THSD4: variants seen among roughly 807,000 people sequenced by gnomAD.
The protein encoded by THSD4 is thrombospondin type-1 domain-containing protein 4.
A neutral mutation model predicts 119.0 loss-of-function variants in THSD4; 69 were observed. That is an observed-to-expected ratio of 0.58 (90% confidence interval 0.48 to 0.71). THSD4 has a LOEUF of 0.71. Ranked by LOEUF, THSD4 falls within the 30% of genes least tolerant of loss-of-function variation. The pLI is 0.00. For synonymous variants in THSD4, 524 were observed against 540.4 expected (o/e 0.97, Z 0.42); for missense variants, 1,393 against 1,391.1 (o/e 1.00, Z -0.02).
At chr15:71,296,659 C>T (rs12324218) in intron 6 of THSD4, among the ~76,000 whole-genome samples, 3,132 of 152,268 alleles carry the variant, frequency 0.021, 113 homozygotes, top group African/African-American at 0.072. Flanking sequence ...TCCCTGGCTT[C>T]ATGGACATAA....
chr15:71,567,601 C>CA lies in THSD4; in HGVS notation c.1153-92929_1153-92928insA, dbSNP rs1555427638. ...TCCTGGACAAGAACAAAGACACCCC[C>CA]CCACACACACACACACACACATGAA... is the stretch of plus-strand genomic sequence containing the variant. On this transcript the variant is annotated intron_variant, in intron 7 of 17. Transcript: ENST00000261862. 2.1e-4 allele frequency among the ~76,000 whole-genome samples: 29 copies of CA among 136,684 alleles called. 1 individual carries two copies. Among genetic ancestry groups the CA allele is most frequent in the Admixed American group, 4.6e-4 (6 of 12,904 alleles). 89.7% of individuals were successfully genotyped at this position (136,684 alleles called of 152,430 possible). A position where few individuals can be genotyped will look rare whatever the true frequency, so the allele number is the denominator to read the frequency against.
At chr15:71,248,696 C>G (rs1409359838) in intron 5 of THSD4, among the ~76,000 whole-genome samples, 1 of 152,038 alleles carries the variant, frequency 6.6e-6, no homozygotes, top group African/African-American at 2.4e-5. Context: ...GGAGTTGTTT[C>G]TGCCCCAGAG....
Position 71,385,040 on chromosome 15 carries a change from A to C in THSD4, c.1016-26647A>C, listed in dbSNP as rs143648128. ...GTTTGCACCCCCTTCAGTAATTGCCATTTACTGCCAGTTTCCCTTTGATTC... is the reference window on the plus strand; with the variant it reads ...GTTTGCACCCCCTTCAGTAATTGCCCTTTACTGCCAGTTTCCCTTTGATTC... On this transcript the variant is annotated intron_variant, in intron 6 of 17. Coordinates refer to ENST00000261862, the MANE Select transcript of THSD4 (RefSeq NM_024817.3). Among the ~76,000 whole-genome samples, 216 of 152,300 alleles carry C rather than the reference A, an allele frequency of 1.4e-3. 2 individuals are homozygous for C. The highest frequency in any genetic ancestry group is 5.0e-3 in the African/African-American group (207 of 41,566).
chr15:71,261,311 A>G (rs2044396663), intron 6 of THSD4, among the ~76,000 whole-genome samples: 1 of 152,112 alleles, frequency 6.6e-6, no homozygotes, highest in African/African-American at 2.4e-5. Flanking sequence ...AAGGATTGCC[A>G]GCAACTTCCA....
intron 7 of THSD4, among the ~76,000 whole-genome samples, chr15:71,524,820 GC>G (rs1567020914): frequency 7.0e-6 from 1 of 142,552 alleles, no homozygotes; most frequent in African/African-American, 2.7e-5. Context: ...CACCGTATTA[GC>G]CAGGATGATC....
At chr15:71,614,265 ATT>A (rs2050284104) in intron 7 of THSD4, among the ~76,000 whole-genome samples, 1 of 152,190 alleles carries the variant, frequency 6.6e-6, no homozygotes, top group Non-Finnish European at 1.5e-5. Flanking sequence ...TTCTGTATCC[ATT>A]CCAGCCTGGA....
At chr15:71,172,486 T>A (rs1303178845) in intron 3 of THSD4, among the ~76,000 whole-genome samples, 1 of 150,842 alleles carries the variant, frequency 6.6e-6, no homozygotes, top group African/African-American at 2.4e-5. Flanking sequence ...ATTGACAAAC[T>A]GATGATTAAA....
At chr15:71,485,742 A>G (rs1041724086) in intron 7 of THSD4, among the ~76,000 whole-genome samples, 1 of 152,138 alleles carries the variant, frequency 6.6e-6, no homozygotes, top group African/African-American at 2.4e-5. Context: ...AGTACCTCTC[A>G]TTGAATGACA....
intron 7 of THSD4, among the ~76,000 whole-genome samples, chr15:71,531,301 C>T (rs568124063): frequency 3.3e-5 from 5 of 152,244 alleles, no homozygotes; most frequent in South Asian, 2.1e-4. Flanking sequence ...GACCTGTTTC[C>T]GCTCTTGTTT....
At chr15:71,217,018 A>T (rs1294170773) in intron 4 of THSD4, among the ~76,000 whole-genome samples, 6 of 152,036 alleles carry the variant, frequency 3.9e-5, no homozygotes, top group Non-Finnish European at 8.8e-5. Flanking sequence ...GCTGGTCTTG[A>T]ACTCCTGACC....
intron 3 of THSD4, among the ~76,000 whole-genome samples, chr15:71,209,003 A>G (rs892491266): frequency 1.1e-4 from 17 of 152,142 alleles, no homozygotes; most frequent in African/African-American, 4.1e-4. Context: ...TCTTGGGGGA[A>G]GGGTCACGGC....
chr15:71,377,934 C>T lies in THSD4; in HGVS notation c.1016-33753C>T, dbSNP rs61384108. Among the ~76,000 whole-genome samples, 4 of 114,770 alleles carry T rather than the reference C, an allele frequency of 3.5e-5. No homozygotes were observed. The South Asian group carries it at 1.2e-3, about 35-fold the overall frequency. 75.3% of individuals were successfully genotyped at this position (114,770 alleles called of 152,430 possible). A position where few individuals can be genotyped will look rare whatever the true frequency, so the allele number is the denominator to read the frequency against. ...CACACAATTTCCTTCAGTGACTCTT[C>T]TGAAAGCCAACCTGAAAATAGCAGA... On this transcript the variant is annotated intron_variant, in intron 6 of 17. Coordinates refer to ENST00000261862, the MANE Select transcript of THSD4 (RefSeq NM_024817.3).
intron 7 of THSD4, among the ~76,000 whole-genome samples, chr15:71,479,505 A>G (rs1359887727): frequency 6.6e-6 from 1 of 152,174 alleles, no homozygotes; most frequent in East Asian, 1.9e-4. Flanking sequence ...AAGAAGGTTA[A>G]CTTTAGTTTT....
At chr15:71,664,172 T>A (rs1208390710) in intron 8 of THSD4, among the ~76,000 whole-genome samples, 1 of 151,914 alleles carries the variant, frequency 6.6e-6, no homozygotes, top group South Asian at 2.1e-4. Flanking sequence ...TTAGTAGAGA[T>A]GGGGTTTCAC....
intron 2 of THSD4, among the ~76,000 whole-genome samples, chr15:71,150,249 A>T (rs2040707686): frequency 6.6e-6 from 1 of 152,204 alleles, no homozygotes; most frequent in African/African-American, 2.4e-5. Flanking sequence ...CCAAACATTA[A>T]TTTTGAATTG....
chr15:71,453,316 A>C (rs931562724), intron 7 of THSD4, among the ~76,000 whole-genome samples: 1 of 152,164 alleles, frequency 6.6e-6, no homozygotes, highest in African/African-American at 2.4e-5. Flanking sequence ...TTCAAAACTT[A>C]AACTCTTTGA....
At chr15:71,551,806 A>G (rs1244628728) in intron 7 of THSD4, among the ~76,000 whole-genome samples, 3 of 152,204 alleles carry the variant, frequency 2.0e-5, no homozygotes, top group Non-Finnish European at 2.9e-5. Flanking sequence ...TCTGCCTGCC[A>G]GCTAACAAAA....
chr15:71,767,738 G>A (rs184963622), intron 16 of THSD4: 42 of 152,310 alleles, frequency 2.8e-4, no homozygotes, highest in African/African-American at 9.6e-4. Context: ...TCTAGAATCA[G>A]TGACCAATCT....
At chr15:71,481,010 A>G (rs991934843) in intron 7 of THSD4, among the ~76,000 whole-genome samples, 3 of 152,190 alleles carry the variant, frequency 2.0e-5, no homozygotes, top group Admixed American at 6.5e-5. Context: ...TTTAATTTTT[A>G]TGCCTGTGAC....
Sources: allele counts gnomAD v4.1 joint callset (sites outside exome capture counted in the v4.1 genomes callset), GRCh38; gene constraint gnomAD v4.1.1; transcripts MANE v1.5; gene names NCBI Gene and HGNC (gene_info 2026-07-23, HGNC 2026-07-21).